KIF5C: variants seen among roughly 807,000 people sequenced by gnomAD.
The protein encoded by KIF5C is kinesin family member 5C.
Under a neutral mutation model 125.2 loss-of-function variants are expected in KIF5C, and 18 were observed. The observed-to-expected ratio is 0.14, with a 90% CI of 0.10 to 0.21. KIF5C has a LOEUF of 0.21. Ranked by LOEUF, KIF5C falls within the 10% of genes least tolerant of loss-of-function variation. The probability of loss-of-function intolerance (pLI) is 1.00; values close to 1 mark genes in which losing one functional copy is unlikely to be tolerated. For missense variants in KIF5C, 780 were observed against 1,183.8 expected (o/e 0.66, Z 5.01); for synonymous variants, 405 against 434.0 (o/e 0.93, Z 0.83).
chr2:149,003,467 G>A (rs1339343370), intron 21 of KIF5C, among the ~76,000 whole-genome samples: 7 of 152,248 alleles, frequency 4.6e-5, no homozygotes, highest in African/African-American at 1.4e-4. Context: ...CTCTGGGTGC[G>A]TTGATGAGAC....
At chr2:148,913,483 A>T (rs1681422439) in intron 1 of KIF5C, among the ~76,000 whole-genome samples, 1 of 152,274 alleles carries the variant, frequency 6.6e-6, no homozygotes, top group Non-Finnish European at 1.5e-5. Context: ...GAAGAGTGAA[A>T]AAAAGTTAAC....
intron 11 of KIF5C, among the ~76,000 whole-genome samples, chr2:148,963,247 T>A (rs1682972005): frequency 6.6e-6 from 1 of 152,058 alleles, no homozygotes; most frequent in African/African-American, 2.4e-5. Flanking sequence ...CTTCAGGTCC[T>A]CTGCTGCTGT....
In KIF5C at chr2:148,913,725, C is replaced by G. The variant is rs769296206; in HGVS notation, c.127-8412C>G. Among the ~76,000 whole-genome samples the G allele has an allele frequency of 1.4e-4, 22 of 152,332 alleles. No homozygotes were observed. The Middle Eastern group carries it at 0.01, about 71-fold the overall frequency. On this transcript the variant is annotated intron_variant, in intron 1 of 25. Transcript: ENST00000435030. Reference sequence around the variant, plus strand: ...GGCAGTTTGACCGGATGGTACTGCACTGTGCCAGGAAGCCCCACCAGGGCG... The same window carrying G: ...GGCAGTTTGACCGGATGGTACTGCAGTGTGCCAGGAAGCCCCACCAGGGCG...
At chr2:148,933,918 T>C (rs896198456) in intron 3 of KIF5C, among the ~76,000 whole-genome samples, 5 of 141,248 alleles carry the variant, frequency 3.5e-5, no homozygotes, top group Non-Finnish European at 6.1e-5. Context: ...AAATACATCA[T>C]ACACACACAC....
intron 3 of KIF5C, among the ~76,000 whole-genome samples, chr2:148,933,984 C>T (rs1020564469): frequency 6.6e-6 from 1 of 151,612 alleles, no homozygotes. Flanking sequence ...CCACATACCA[C>T]ACACCCTTCC....
Position 148,978,961 on chromosome 2 carries a change from C to G in KIF5C, c.1333C>G (p.Leu445Val), listed in dbSNP as rs774107806. ...CCAGCAGAGCCAGCTGGCTGAAAAG[C>G]TGAAGCAACAGATGTTGGATCAGGA... ...INQQSQLAEK[L>V]KQQMLDQDEL... is the part of the protein sequence containing the mutation. The change falls in exon 13 of 26, where the codon CTG (leucine) becomes GTG (valine). Residue 445 changes from leucine to valine, a missense_variant. By Grantham distance (32) the Leu-to-Val change is conservative (BLOSUM62 1). Transcript: ENST00000435030. 1 of 1,593,078 alleles carries G rather than the reference C, an allele frequency of 6.3e-7. No homozygotes were observed. Among genetic ancestry groups the G allele is most frequent in the Non-Finnish European group, 8.5e-7 (1 of 1,169,628 alleles).
In KIF5C at chr2:148,875,350, C is replaced by T. The variant is rs1353602755; in HGVS notation, c.-268C>T. On this transcript the variant is annotated 5_prime_UTR_variant, in exon 1 of 26. Transcript: ENST00000435030. ...GCCGCGTGGTCGCGGGCAGGTGGGC[C>T]GGGGGGCGCTGGGCAGGGGCGGGGC... The T allele has an allele frequency of 3.1e-6, 1 of 323,972 alleles. No homozygotes were observed. Among genetic ancestry groups the T allele is most frequent in the East Asian group, 5.0e-5 (1 of 20,136 alleles). The allele number at this position is 323,972 out of a possible 1,614,324, so 20.1% of individuals were successfully genotyped here.
chr2:148,999,258 C>T (rs569051224), intron 19 of KIF5C, among the ~76,000 whole-genome samples: 18 of 150,036 alleles, frequency 1.2e-4, no homozygotes, highest in Middle Eastern at 3.4e-3. Context: ...CCCCACCCCA[C>T]CCAGGGTCTA....
At chr2:148,933,684 A>G (rs1278840613) in intron 3 of KIF5C, among the ~76,000 whole-genome samples, 3 of 151,456 alleles carry the variant, frequency 2.0e-5, no homozygotes, top group Non-Finnish European at 4.4e-5. Context: ...CACCACATAC[A>G]TATACACACA....
At chr2:148,909,104 TTGCTTCAAGGTACGTTACA>T (rs1681231414) in intron 1 of KIF5C, among the ~76,000 whole-genome samples, 1 of 152,234 alleles carries the variant, frequency 6.6e-6, no homozygotes. Context: ...GGCCATTCAT[TTGCTTCAAGGTACGTTACA>T]CATGTATGTG....
chr2:148,915,487 T>C (rs185317105), intron 1 of KIF5C, among the ~76,000 whole-genome samples: 115 of 152,240 alleles, frequency 7.6e-4, no homozygotes, highest in African/African-American at 2.6e-3. Flanking sequence ...AAGGAAAAGG[T>C]GTACCCCCTT....
chr2:148,886,627 C>T, intron 1 of KIF5C, among the ~76,000 whole-genome samples: 1 of 152,062 alleles, frequency 6.6e-6, no homozygotes, highest in African/African-American at 2.4e-5. Context: ...GGCACTGGGT[C>T]CCTGGTACTA....
Position 148,993,327 on chromosome 2 carries a change from T to C in KIF5C, c.1906-1094T>C, listed in dbSNP as rs560374977. Among the ~76,000 whole-genome samples, 40 of 152,344 alleles carry C rather than the reference T, an allele frequency of 2.6e-4. 1 individual carries two copies. The highest frequency in any genetic ancestry group is 8.9e-4 in the African/African-American group (37 of 41,580). On this transcript the variant is annotated intron_variant, in intron 16 of 25. Coordinates refer to ENST00000435030, the MANE Select transcript of KIF5C (RefSeq NM_004522.3). ...CGAGAATATTATGATGTGTTGAGTTTAAAGAGTACCTGTTCTAAAGTTCTC... is the reference window on the plus strand; with the variant it reads ...CGAGAATATTATGATGTGTTGAGTTCAAAGAGTACCTGTTCTAAAGTTCTC...
intron 13 of KIF5C, among the ~76,000 whole-genome samples, chr2:148,980,871 A>AT (rs941390725): frequency 8.9e-4 from 132 of 147,624 alleles, no homozygotes; most frequent in South Asian, 2.8e-3. Context: ...ACACCCAGCT[A>AT]TTTTTTTTTT....
At chr2:148,942,830 G>A (rs1287992206) in intron 7 of KIF5C, 70 bp downstream of exon 7, 4 of 1,559,864 alleles carry the variant, frequency 2.6e-6, no homozygotes, top group Non-Finnish European at 3.5e-6. Context: ...ACCGAGGGGG[G>A]TGGGGAATTA....
chr2:148,993,987 A>G (rs1359287891), intron 16 of KIF5C, among the ~76,000 whole-genome samples: 1 of 152,074 alleles, frequency 6.6e-6, no homozygotes, highest in Non-Finnish European at 1.5e-5. Context: ...TGAGATGGGA[A>G]TTGGTGTGTC....
intron 8 of KIF5C, among the ~76,000 whole-genome samples, chr2:148,948,190 TAA>T (rs374887511): frequency 8.8e-4 from 120 of 136,250 alleles, no homozygotes; most frequent in African/African-American, 9.8e-4. Context: ...AACTAAAAAT[TAA>T]AAAAAAAAAA....
At chr2:149,010,395 C>G in intron 24 of KIF5C, 44 bp downstream of exon 24, 1 of 1,494,940 alleles carries the variant, frequency 6.7e-7, no homozygotes, top group South Asian at 1.3e-5. Context: ...GAAGCTACTG[C>G]GGCCTCTCAG....
chr2:148,917,519 T>C (rs72866033), intron 1 of KIF5C, among the ~76,000 whole-genome samples: 1 of 152,350 alleles, frequency 6.6e-6, no homozygotes, highest in Non-Finnish European at 1.5e-5. Context: ...AGAGTTCTTA[T>C]GAGAATTAAA....
Sources: gnomAD v4.1 joint callset for allele counts (sites outside exome capture counted in the v4.1 genomes callset) on GRCh38, gnomAD v4.1.1 for gene constraint, MANE v1.5 for transcripts, NCBI Gene and HGNC (gene_info 2026-07-23, HGNC 2026-07-21) for gene names.